Variants in ARHGAP32 observed in about 807,000 individuals in gnomAD.
ARHGAP32 encodes the protein rho GTPase-activating protein 32.
ARHGAP32 carries 51 observed loss-of-function variants against 186.5 expected under a neutral mutation model. The observed-to-expected ratio is 0.27, with a 90% CI of 0.22 to 0.35. The LOEUF is 0.35. ARHGAP32 is among the 10% of genes least tolerant of loss of function. The probability of loss-of-function intolerance (pLI) is 1.00; values close to 1 mark genes in which losing one functional copy is unlikely to be tolerated. For missense variants in ARHGAP32, 2,186 were observed against 2,623.5 expected (o/e 0.83, Z 3.64); for synonymous variants, 950 against 964.3 (o/e 0.99, Z 0.27).
rs560697416 is a variant in ARHGAP32 at position 129,097,297 on chromosome 11, C to G, written c.445-3590G>C. Among the ~76,000 whole-genome samples the G allele has an allele frequency of 2.0e-5, 3 of 152,108 alleles. No individual in the cohort carries two copies. In the East Asian group the frequency reaches 5.8e-4, roughly 29 times the overall value. Reference sequence around the variant, plus strand: ...TGAGCAACATAGAACACCATCTCTACAAATCTACAAATTTTTTTAATAAAA... The same window carrying G: ...TGAGCAACATAGAACACCATCTCTAGAAATCTACAAATTTTTTTAATAAAA... On this transcript the variant is annotated intron_variant, in intron 5 of 22. Transcript: ENST00000682385.
intron 5 of ARHGAP32, among the ~76,000 whole-genome samples, chr11:129,099,649 T>C (rs1288512121): frequency 6.6e-6 from 1 of 151,790 alleles, no homozygotes; most frequent in South Asian, 2.1e-4. Flanking sequence ...GTGACTATAC[T>C]AAAAATAAAT....
rs376379775 is a variant in ARHGAP32 at position 129,270,350 on chromosome 11, CAG to C, written c.-5+8794_-5+8795del. Among the ~76,000 whole-genome samples the C allele has an allele frequency of 5.3e-5, 8 of 152,204 alleles. No homozygotes were observed. In the East Asian group the frequency reaches 1.4e-3, roughly 26 times the overall value. On this transcript the variant is annotated intron_variant, in intron 1 of 6. Coordinates refer to the ARHGAP32 transcript ENST00000525234. ...AAACAGTAAAAAGGCTGGTGGTTGA[CAG>C]GGGCTGGGGAGAGGGAGGGATGAAT...
intron 1 of ARHGAP32, among the ~76,000 whole-genome samples, chr11:129,224,003 T>C (rs1352277080): frequency 6.6e-6 from 1 of 152,198 alleles, no homozygotes; most frequent in African/African-American, 2.4e-5. Flanking sequence ...GGCTTTCTTC[T>C]TGAGTACAAG....
chr11:129,074,511 TG>T (rs1940975200), intron 6 of ARHGAP32, among the ~76,000 whole-genome samples: 3 of 152,182 alleles, frequency 2.0e-5, no homozygotes, highest in Admixed American at 2.0e-4. Context: ...CTTCTTTTTT[TG>T]AGATGGAGTC....
rs529868989 is a variant in ARHGAP32 at position 129,095,638 on chromosome 11, G to A, written c.445-1931C>T. On this transcript the variant is annotated intron_variant, in intron 5 of 22. Transcript: ENST00000682385. ...AAGATACCCCTCTGAAGGCACTCAG[G>A]ACACTCAACAACTGAAGGATGGAGG... Among the ~76,000 whole-genome samples, 5 of 152,320 alleles carry A rather than the reference G, an allele frequency of 3.3e-5. No homozygotes were observed. The East Asian group carries it at 9.7e-4, about 29-fold the overall frequency.
intron 18 of ARHGAP32, 45 bp downstream of exon 18, chr11:128,980,508 T>C (rs1201490165): frequency 2.7e-6 from 4 of 1,455,702 alleles, no homozygotes; most frequent in East Asian, 4.6e-5. Flanking sequence ...TAATAGGACA[T>C]AGCTATGAAA....
chr11:129,105,691 G>T (rs948843249), intron 5 of ARHGAP32, among the ~76,000 whole-genome samples: 1 of 152,062 alleles, frequency 6.6e-6, no homozygotes, highest in Non-Finnish European at 1.5e-5. Context: ...CCAGTTTCCA[G>T]AGTTACTACA....
intron 5 of ARHGAP32, among the ~76,000 whole-genome samples, chr11:129,106,709 T>C (rs1462079808): frequency 6.6e-6 from 1 of 152,124 alleles, no homozygotes; most frequent in Admixed American, 6.5e-5. Flanking sequence ...AAATATTCAC[T>C]AGATAGCTCA....
intron 1 of ARHGAP32, among the ~76,000 whole-genome samples, chr11:129,187,111 C>T (rs1944178063): frequency 1.3e-5 from 2 of 152,112 alleles, no homozygotes; most frequent in African/African-American, 4.8e-5. Context: ...CTGAAAGCAA[C>T]CTAAGTGTCC....
At chr11:129,045,265 G>T (rs1039952945) in intron 10 of ARHGAP32, among the ~76,000 whole-genome samples, 1 of 152,314 alleles carries the variant, frequency 6.6e-6, no homozygotes, top group East Asian at 1.9e-4. Flanking sequence ...GTCATGACTA[G>T]ATCTGTCGTG....
At chr11:129,212,731 T>A (rs759353950) in intron 1 of ARHGAP32, among the ~76,000 whole-genome samples, 1 of 152,188 alleles carries the variant, frequency 6.6e-6, no homozygotes, top group Non-Finnish European at 1.5e-5. Flanking sequence ...CAAAACTTCA[T>A]AGCATAACTT....
At chr11:129,273,163 T>C (rs1231737922) in intron 1 of ARHGAP32, among the ~76,000 whole-genome samples, 1 of 152,224 alleles carries the variant, frequency 6.6e-6, no homozygotes, top group Non-Finnish European at 1.5e-5. Flanking sequence ...TGCTTACTTA[T>C]AATATTCCTT....
At chr11:129,056,725 T>C (rs998178731) in intron 10 of ARHGAP32, among the ~76,000 whole-genome samples, 3 of 152,054 alleles carry the variant, frequency 2.0e-5, no homozygotes, top group African/African-American at 7.2e-5. Flanking sequence ...CCAGATCACA[T>C]GCCATGAACA....
At chr11:129,188,825 C>A (rs114683785) in intron 1 of ARHGAP32, among the ~76,000 whole-genome samples, 8 of 152,136 alleles carry the variant, frequency 5.3e-5, no homozygotes, top group African/African-American at 1.7e-4. Flanking sequence ...ATCTACAGAT[C>A]GTGATCAAAA....
chr11:129,031,512 C>G (rs1311139743), intron 11 of ARHGAP32, among the ~76,000 whole-genome samples: 1 of 152,204 alleles, frequency 6.6e-6, no homozygotes. Flanking sequence ...TCTAGTGTCA[C>G]TAGTGTCCAT....
chr11:128,972,491 G>A lies in ARHGAP32; in HGVS notation c.4015C>T (p.Gln1339Ter). ...TTTAATCCTATATTGGTTGCTGCTT[G>A]TACCTGCCCCACAACTGGTGGCTGC... ...AEQPPVVGQV[Q>*]AATNIGLNNS... is the part of the protein sequence containing the mutation. Residue 1339 changes from glutamine to a stop codon, truncating the protein, a stop_gained, in exon 22 of 23, where the codon CAA becomes TAA. Coordinates refer to ENST00000682385, the MANE Select transcript of ARHGAP32 (RefSeq NM_001378024.1). LOFTEE classifies it high-confidence loss of function. 1 of 1,528,170 alleles carries A rather than the reference G, an allele frequency of 6.5e-7. No individual in the cohort carries two copies. Among genetic ancestry groups the A allele is most frequent in the Non-Finnish European group, 8.8e-7 (1 of 1,139,056 alleles). 94.7% of individuals were successfully genotyped at this position (1,528,170 alleles called of 1,614,324 possible). A position where few individuals can be genotyped will look rare whatever the true frequency, so the allele number is the denominator to read the frequency against.
chr11:129,177,104 T>G (rs1943933825), intron 1 of ARHGAP32, among the ~76,000 whole-genome samples: 1 of 151,252 alleles, frequency 6.6e-6, no homozygotes. Context: ...ATAAAGGGGA[T>G]ATCACCACCG....
chr11:129,131,915 G>C (rs1452445950), intron 2 of ARHGAP32, among the ~76,000 whole-genome samples: 3 of 152,286 alleles, frequency 2.0e-5, no homozygotes, highest in Non-Finnish European at 2.9e-5. Flanking sequence ...GAAAAATAGT[G>C]CAAGACAAGA....
chr11:129,170,724 A>G (rs922126129), intron 1 of ARHGAP32, among the ~76,000 whole-genome samples: 5 of 152,228 alleles, frequency 3.3e-5, no homozygotes, highest in African/African-American at 1.2e-4. Context: ...TTCTGGTTCC[A>G]GATCGTTGAG....
Sources: allele counts gnomAD v4.1 joint callset (sites outside exome capture counted in the v4.1 genomes callset), GRCh38; gene constraint gnomAD v4.1.1; transcripts MANE v1.5; gene names NCBI Gene and HGNC (gene_info 2026-07-23, HGNC 2026-07-21).